ZC3H7A: variants seen among roughly 807,000 people sequenced by gnomAD.
The protein encoded by ZC3H7A is zinc finger CCCH domain-containing protein 7A.
A neutral mutation model predicts 125.5 loss-of-function variants in ZC3H7A; 44 were observed. The observed-to-expected ratio is 0.35, with a 90% CI of 0.28 to 0.45. ZC3H7A has a LOEUF of 0.45. Ranked by LOEUF, ZC3H7A falls within the 20% of genes least tolerant of loss-of-function variation. The pLI, the probability that ZC3H7A is intolerant of heterozygous loss-of-function variation, is 1.00. For synonymous variants in ZC3H7A, 399 were observed against 391.2 expected, an observed-to-expected ratio of 1.02 and a Z score of -0.23; for missense variants, 977 against 1,170.7, an observed-to-expected ratio of 0.83 and a Z score of 2.41.
intron 18 of ZC3H7A, 71 bp from the exon 19 acceptor site, chr16:11,761,582 A>G (rs2052753820): frequency 2.0e-6 from 3 of 1,515,044 alleles, no homozygotes; most frequent in Non-Finnish European, 2.7e-6. Context: ...GGAGAGGCAC[A>G]AAGTTTGTAC....
chr16:11,764,274 C>T (rs1296030715), intron 15 of ZC3H7A, among the ~76,000 whole-genome samples: 3 of 152,052 alleles, frequency 2.0e-5, no homozygotes, highest in Admixed American at 6.6e-5. Flanking sequence ...ATTGTCCAGG[C>T]GTGATGGCTC....
intron 5 of ZC3H7A, 23 bp downstream of exon 5, chr16:11,776,728 C>G (rs2053086998): frequency 6.3e-7 from 1 of 1,577,950 alleles, no homozygotes. Flanking sequence ...ACGATGTAAA[C>G]AAATAAACTA....
intron 1 of ZC3H7A, chr16:11,796,706 A>T (rs1315934783): frequency 6.6e-6 from 1 of 152,278 alleles, no homozygotes; most frequent in Non-Finnish European, 1.5e-5. Context: ...ATGAGCCCCA[A>T]ATTAATGCGC....
At chr16:11,761,608 A>T (rs959235330) in intron 18 of ZC3H7A, 97 bp from the exon 19 acceptor site, 1 of 1,284,066 alleles carries the variant, frequency 7.8e-7, no homozygotes, top group African/African-American at 1.5e-5. Context: ...GAACCAGAGA[A>T]TTTTTTTCTC....
intron 1 of ZC3H7A, among the ~76,000 whole-genome samples, chr16:11,787,553 C>A (rs774912645): frequency 7.9e-5 from 12 of 152,128 alleles, no homozygotes; most frequent in Non-Finnish European, 7.4e-5. Flanking sequence ...CCTTAAACTT[C>A]CGGTCTCAAG....
chr16:11,757,197 G>C (rs1176079138), intron 20 of ZC3H7A, among the ~76,000 whole-genome samples: 1 of 152,018 alleles, frequency 6.6e-6, no homozygotes, highest in Non-Finnish European at 1.5e-5. Flanking sequence ...GGCAAAATTT[G>C]TTCCCAGCCG....
intron 20 of ZC3H7A, among the ~76,000 whole-genome samples, chr16:11,757,697 A>G (rs2052675636): frequency 6.6e-6 from 1 of 152,096 alleles, no homozygotes; most frequent in African/African-American, 2.4e-5. Context: ...CCTGGTGCGC[A>G]AGGGCATCTT....
rs543507630 is a variant in ZC3H7A at position 11,786,550 on chromosome 16, C to T, written c.-34-4162G>A. Among the ~76,000 whole-genome samples the T allele has an allele frequency of 5.3e-5, 8 of 152,236 alleles. No individual in the cohort carries two copies. The South Asian group carries it at 8.3e-4, about 16-fold the overall frequency. ...GAACCTCAACCTTATACACAAAAGG[C>T]GTGTGGCAAAGAGCTGACACCACAA... On this transcript the variant is annotated intron_variant, in intron 1 of 22. Coordinates refer to ENST00000355758, the MANE Select transcript of ZC3H7A (RefSeq NM_014153.4).
chr16:11,764,046 G>T (rs1357155382), intron 15 of ZC3H7A, among the ~76,000 whole-genome samples: 4 of 151,462 alleles, frequency 2.6e-5, no homozygotes, highest in African/African-American at 9.7e-5. Context: ...CGCCTGCCTC[G>T]GCCTCCCAAA....
At chr16:11,784,745 T>C (rs2053228697) in intron 1 of ZC3H7A, among the ~76,000 whole-genome samples, 1 of 151,610 alleles carries the variant, frequency 6.6e-6, no homozygotes, top group Non-Finnish European at 1.5e-5. Flanking sequence ...TCCCAGCTAT[T>C]TGGGAGGCTG....
chr16:11,781,435 T>C lies in ZC3H7A; in HGVS notation c.98A>G (p.Glu33Gly). 6.2e-7 allele frequency: 1 copy of C among 1,607,120 alleles called. No individual in the cohort carries two copies. The highest frequency in any genetic ancestry group is 8.5e-7 in the Non-Finnish European group (1 of 1,175,146). Reference sequence around the variant, plus strand: ...TCCCGGAGTCATTACCGCATATTGCTCCTGTGTTCCTGGATATGACAGCGG... The same window carrying C: ...TCCCGGAGTCATTACCGCATATTGCCCCTGTGTTCCTGGATATGACAGCGG... ...QSPLSYPGTQ[E>G]QYAVYLRALV... The change falls in exon 3 of 23, where the codon GAG becomes GGG. Residue 33 changes from glutamate to glycine, a missense_variant. Physicochemically the swap from Glu to Gly is moderately conservative, Grantham distance 98 (BLOSUM62 -2). Transcript: ENST00000355758.
In ZC3H7A at chr16:11,752,730, C is replaced by T. The variant is rs767686178; in HGVS notation, c.2665G>A (p.Glu889Lys). The change falls in exon 22 of 23, where the codon GAG (glutamate) becomes AAG (lysine). Residue 889 changes from glutamate (E) to lysine (K), a missense_variant. Physicochemically the swap from Glu to Lys is moderately conservative, Grantham distance 56. Around this residue, in one of 3 missense-constraint regions of ZC3H7A, gnomAD observed 436 missense variants for 603.2 expected, o/e 0.72. Coordinates refer to ENST00000355758, the MANE Select transcript of ZC3H7A (RefSeq NM_014153.4). The part of the protein sequence containing the change: ...EKHKEKVFHT[E>K]DDQYCWQHRF... ...TGCTGCCAGCAGTACTGGTCGTCCT[C>T]GGTGTGGAAAACCTTCTCTTTGTGC... 8.1e-6 allele frequency: 13 copies of T among 1,614,114 alleles called. No homozygotes were observed. The highest frequency in any genetic ancestry group is 1.7e-5 in the Admixed American group (1 of 59,998).
intron 20 of ZC3H7A, among the ~76,000 whole-genome samples, chr16:11,757,780 G>A (rs909208915): frequency 3.9e-5 from 6 of 152,172 alleles, no homozygotes; most frequent in African/African-American, 1.4e-4. Flanking sequence ...CACCACTGAC[G>A]ATCTATGTGG....
At chr16:11,775,138 C>A in intron 7 of ZC3H7A, 125 bp from the exon 8 acceptor site, 2 of 937,112 alleles carry the variant, frequency 2.1e-6, no homozygotes, top group Middle Eastern at 2.9e-4. Flanking sequence ...CTGGGGAGGC[C>A]GAGACAGGCA....
chr16:11,791,260 C>T (rs892297715), intron 1 of ZC3H7A, among the ~76,000 whole-genome samples: 1 of 152,068 alleles, frequency 6.6e-6, no homozygotes, highest in Non-Finnish European at 1.5e-5. Flanking sequence ...CCCCCAGCTT[C>T]ACACATGAGG....
chr16:11,793,902 TC>T (rs909554976), intron 1 of ZC3H7A, among the ~76,000 whole-genome samples: 11 of 152,190 alleles, frequency 7.2e-5, no homozygotes, highest in Admixed American at 2.0e-4. Context: ...CTGGAGTTCT[TC>T]CCCCCACAGG....
intron 15 of ZC3H7A, chr16:11,764,852 G>A: frequency 2.3e-6 from 1 of 431,034 alleles, no homozygotes; most frequent in East Asian, 4.1e-5. Flanking sequence ...ATGCTTTTCT[G>A]TTTTACATAA....
At chr16:11,793,593 C>A (rs965804884) in intron 1 of ZC3H7A, among the ~76,000 whole-genome samples, 1 of 151,992 alleles carries the variant, frequency 6.6e-6, no homozygotes, top group Non-Finnish European at 1.5e-5. Context: ...CAATTCTATC[C>A]CCAGACTGAA....
rs34038330 is a variant in ZC3H7A at position 11,768,520 on chromosome 16, G to GAAAAAAAAAAAAA, written c.1174-32_1174-20dup. On this transcript the variant is annotated intron_variant, in intron 11 of 22. Transcript: ENST00000355758. ...CATTCATCTGCAAGAAAAATAAGAA[G>GAAAAAAAAAAAAA]AAAAAAAAAAAAAACAGCCAACAAA... 3 of 1,149,282 alleles carry GAAAAAAAAAAAAA rather than the reference G, an allele frequency of 2.6e-6. No homozygotes were observed. Among genetic ancestry groups the GAAAAAAAAAAAAA allele is most frequent in the African/African-American group, 3.3e-5 (2 of 59,856 alleles). The allele number at this position is 1,149,282 out of a possible 1,614,324, so 71.2% of individuals were successfully genotyped here.
Sources: gnomAD v4.1 joint callset for allele counts (sites outside exome capture counted in the v4.1 genomes callset) on GRCh38, gnomAD v4.1.1 for gene constraint, gnomAD v4.1.1 regional missense constraint, MANE v1.5 for transcripts, NCBI Gene and HGNC (gene_info 2026-07-23, HGNC 2026-07-21) for gene names.